Variants in EP400 observed in about 807,000 individuals in gnomAD.
EP400 encodes E1A binding protein p400.
Under a neutral mutation model 354.1 loss-of-function variants are expected in EP400, and 105 were observed. The ratio of observed to expected loss-of-function variants is 0.30; its 90% CI spans 0.25 to 0.35. EP400 has a LOEUF of 0.35. Among genes scored for constraint, EP400 ranks in the 10% least tolerant of loss-of-function variants. The pLI, the probability that EP400 is intolerant of heterozygous loss-of-function variation, is 1.00. For synonymous variants in EP400, 1,646 were observed against 1,716.9 expected (o/e 0.96, Z 1.02); for missense variants, 3,280 against 4,121.0 (o/e 0.80, Z 5.59).
chr12:131,988,960 G>C (rs965790378), intron 7 of EP400, among the ~76,000 whole-genome samples: 7 of 152,208 alleles, frequency 4.6e-5, no homozygotes, highest in Admixed American at 3.9e-4. Context: ...TGAGGGTCAA[G>C]GGTCTCAAGT....
intron 15 of EP400, among the ~76,000 whole-genome samples, chr12:132,008,732 C>CT (rs531347411): frequency 1.0e-3 from 153 of 151,410 alleles, no homozygotes; most frequent in African/African-American, 3.5e-3. Flanking sequence ...ATCCTCCTGC[C>CT]TCAGCCTCCC....
rs1027116406 is a variant in EP400 at position 132,044,884 on chromosome 12, A to C, written c.6715A>C (p.Ile2239Leu). Residue 2239 changes from isoleucine (I) to leucine (L), a missense_variant, in exon 37 of 53, where the codon ATC becomes CTC. By Grantham distance (5) the Ile-to-Leu change is conservative (BLOSUM62 2). Transcript: ENST00000389561. ...GTGTCTCATGTATGAAGCCACTCCC[A>C]TCCCAGAGGCTAAGCTGCCCCCTGT... The part of the protein sequence containing the change: ...VMCLMYEATP[I>L]PEAKLPPVYV... 6 of 1,614,028 alleles carry C rather than the reference A, an allele frequency of 3.7e-6. No individual in the cohort carries two copies. The highest frequency in any genetic ancestry group is 3.3e-5 in the Admixed American group (2 of 60,000).
rs916194201 is a variant in EP400 at position 132,029,797 on chromosome 12, G to T, written c.5478G>T (p.Arg1826Ser). The T allele has an allele frequency of 1.9e-6, 3 of 1,613,650 alleles. No individual in the cohort carries two copies. The East Asian group carries it at 6.7e-5, about 36-fold the overall frequency. Reference protein sequence around the residue: ...PLYSHRMRILRQGLREHAAPY... With the variant: ...PLYSHRMRILSQGLREHAAPY... ...ACAGCCACAGAATGAGGATCTTGAG[G>T]CAGGGCCTGAGAGAGCACGCTGCGC... Residue 1826 changes from arginine to serine, a missense_variant, in exon 28 of 53, where the codon AGG becomes AGT. Coordinates refer to ENST00000389561, the MANE Select transcript of EP400 (RefSeq NM_015409.5). The surrounding 1 kb of genome is among the most constrained non-coding windows in gnomAD (Gnocchi z 4.7).
chr12:132,031,524 G>A (rs925217623), intron 29 of EP400, among the ~76,000 whole-genome samples: 12 of 152,174 alleles, frequency 7.9e-5, no homozygotes, highest in African/African-American at 1.9e-4. Context: ...CATGAGCCTC[G>A]TGTTGAATGG....
chr12:131,953,637 C>T (rs974469596), intron 1 of EP400, among the ~76,000 whole-genome samples: 4 of 152,164 alleles, frequency 2.6e-5, no homozygotes, highest in Admixed American at 2.0e-4. Flanking sequence ...ATTTCAGGAA[C>T]TAGTATGGTA....
Position 132,067,453 on chromosome 12 carries a change from G to C in EP400, c.8841G>C (p.Gln2947His). ...AVQQQKAIQP[Q>H]AAQGPAAVQQ... ...AGCAGCAGAAGGCCATCCAGCCCCA[G>C]GCTGCACAGGGCCCGGCAGCCGTCC... is the stretch of plus-strand genomic sequence containing the variant. Residue 2947 changes from glutamine (Q) to histidine (H), a missense_variant, in exon 50 of 53, where the codon CAG becomes CAC. By Grantham distance (24) the Gln-to-His change is conservative (BLOSUM62 0). Around this residue, in one of 20 missense-constraint regions of EP400, gnomAD observed 279 missense variants for 386.7 expected, o/e 0.72. Transcript: ENST00000389561. The surrounding 1 kb of genome is among the most constrained non-coding windows in gnomAD (Gnocchi z 5.3). The C allele has an allele frequency of 1.2e-6, 2 of 1,613,370 alleles. No individual in the cohort carries two copies. Among genetic ancestry groups the C allele is most frequent in the Non-Finnish European group, 1.7e-6 (2 of 1,180,032 alleles).
intron 24 of EP400, among the ~76,000 whole-genome samples, chr12:132,024,882 C>G (rs1894250387): frequency 6.6e-6 from 1 of 151,692 alleles, no homozygotes; most frequent in South Asian, 2.1e-4. Flanking sequence ...ACTGCAGCCT[C>G]AGCGACTGCC....
rs113843264 is a variant in EP400 at position 132,020,082 on chromosome 12, C to T, written c.4311C>T (p.Pro1437=). Residue 1437 remains proline, a synonymous_variant, in exon 22 of 53, where the codon CCC becomes CCT. Transcript: ENST00000389561. ...AGCCTGTGCAGTATGGCCAGAAGCC[C>T]GAGGGTCGCACCGTGGCTTTCCCCA... ...LFQPVQYGQK[P]EGRTVAFPST... 54 of 1,592,274 alleles carry T rather than the reference C, an allele frequency of 3.4e-5. No homozygotes were observed. The highest frequency in any genetic ancestry group is 1.7e-4 in the Middle Eastern group (1 of 5,982).
rs968263510 is a variant in EP400 at position 132,050,281 on chromosome 12, A to C, written c.7201-42A>C. 1 of 1,611,142 alleles carries C rather than the reference A, an allele frequency of 6.2e-7. No individual in the cohort carries two copies. The highest frequency in any genetic ancestry group is 8.5e-7 in the Non-Finnish European group (1 of 1,177,968). On this transcript the variant is annotated intron_variant, in intron 39 of 52. Transcript: ENST00000389561. This position sits in a 1 kb window ranked among gnomAD's most constrained non-coding sequence, Gnocchi z 4.8. ...CTGTGTCCCACGCAGCCGTCTGTCC[A>C]TGCTGCCTAATTCAGATGCACTCTC...
rs775393410 is a variant in EP400 at position 131,990,615 on chromosome 12, C to T, written c.2551-21C>T. The T allele has an allele frequency of 2.1e-5, 32 of 1,554,024 alleles. No homozygotes were observed. The South Asian group carries it at 3.2e-4, about 15-fold the overall frequency. On this transcript the variant is annotated intron_variant, in intron 8 of 52. Coordinates refer to ENST00000389561, the MANE Select transcript of EP400 (RefSeq NM_015409.5). The surrounding 1 kb of genome is among the most constrained non-coding windows in gnomAD (Gnocchi z 4.2). Reference sequence around the variant, plus strand: ...TCCCATCCTTAGTAATGTGCTTATTCATTTAATCCTTTGCATTTAGGTTGT... The same window carrying T: ...TCCCATCCTTAGTAATGTGCTTATTTATTTAATCCTTTGCATTTAGGTTGT...
At chr12:131,997,620 AAAG>A (rs1430212507) in intron 12 of EP400, among the ~76,000 whole-genome samples, 1 of 152,214 alleles carries the variant, frequency 6.6e-6, no homozygotes, top group Non-Finnish European at 1.5e-5. Flanking sequence ...AAGCTGGAGA[AAAG>A]AAAATGTTGT....
At chr12:132,065,586 G>C (rs997857537) in intron 48 of EP400, 1 of 152,286 alleles carries the variant, frequency 6.6e-6, no homozygotes, top group Non-Finnish European at 1.5e-5. Context: ...AGAAACTGAG[G>C]CATGTAGGCT....
At chr12:132,021,950 C>G (rs531381619) in intron 23 of EP400, among the ~76,000 whole-genome samples, 72 of 152,236 alleles carry the variant, frequency 4.7e-4, no homozygotes, top group African/African-American at 1.5e-3. Flanking sequence ...GGAAATTATC[C>G]TGACTTAAAG....
intron 30 of EP400, among the ~76,000 whole-genome samples, chr12:132,036,856 T>G (rs1320731395): frequency 6.6e-6 from 1 of 152,248 alleles, no homozygotes; most frequent in Non-Finnish European, 1.5e-5. Flanking sequence ...ACTATTTCCC[T>G]TTATCACGTA....
In EP400 at chr12:132,062,572, G is replaced by GCAGCAGCAGCAGCAGCAGCAA. The variant is rs151326088; in HGVS notation, c.8220_8240dup (p.Gln2742_Gln2748dup). 1.1e-5 allele frequency: 17 copies of GCAGCAGCAGCAGCAGCAGCAA among 1,609,212 alleles called. No individual in the cohort carries two copies. In the African/African-American group the frequency reaches 2.0e-4, roughly 19 times the overall value. ...AACAGCAGCAGCAGCAGCAGCAGCA[G>GCAGCAGCAGCAGCAGCAGCAA]CAGCAGCAGCAGCAGCAGCAACAGC... On this transcript the variant is annotated inframe_insertion, in exon 47 of 53. Transcript: ENST00000389561.
In EP400 at chr12:132,053,227, C is replaced by G. The variant is rs374594848; in HGVS notation, c.7473+3C>G. 1.2e-6 allele frequency: 2 copies of G among 1,613,646 alleles called. No individual in the cohort carries two copies. The highest frequency in any genetic ancestry group is 1.1e-5 in the South Asian group (1 of 91,044). ...AGCGAATCGCAAAAGAGAAAAAGGT[C>G]AGCGCCCTGGGCCCTTCTGCTTGAG... On this transcript the variant is annotated splice_donor_region_variant and intron_variant, in intron 42 of 52. Transcript: ENST00000389561.
In EP400 at chr12:131,996,901, C is replaced by T. The variant is rs187462105; in HGVS notation, c.2827+1945C>T. Among the ~76,000 whole-genome samples the T allele has an allele frequency of 3.9e-5, 6 of 152,094 alleles. No individual in the cohort carries two copies. The East Asian group carries it at 1.2e-3, about 29-fold the overall frequency. ...AGTTCTGTGTTGCAGTGACATTTTC[C>T]CAGTTGGTGGTGTGTCTTTTCACTC... On this transcript the variant is annotated intron_variant, in intron 12 of 52. Coordinates refer to ENST00000389561, the MANE Select transcript of EP400 (RefSeq NM_015409.5).
rs1430901931 is a variant in EP400, at chr12:132,017,464, G to A, written c.3924-71G>A. 9.2e-6 allele frequency: 14 copies of A among 1,520,932 alleles called. No homozygotes were observed. Among genetic ancestry groups the A allele is most frequent in the African/African-American group, 1.4e-5 (1 of 72,158 alleles). The allele number at this position is 1,520,932 out of a possible 1,614,324, so 94.2% of individuals were successfully genotyped here. On this transcript the variant is annotated intron_variant, in intron 19 of 52. Transcript: ENST00000389561. This position sits in a 1 kb window ranked among gnomAD's most constrained non-coding sequence, Gnocchi z 5.0. ...CTGCCTTTCTGGAGTTGGGACAGTC[G>A]ATGGTGAGGGTGGGACTATGTCCAT... is the stretch of plus-strand genomic sequence containing the variant.
In EP400 at chr12:132,030,111, C is replaced by G; in HGVS notation, c.5707C>G (p.Leu1903Val). ...ILEMFLNFHY[L>V]TYVRIDENAS... ...AGAGATGTTCTTGAACTTCCATTACCTCACCTATGTAAGAATCGATGAAAA... is the reference window on the plus strand; with the variant it reads ...AGAGATGTTCTTGAACTTCCATTACGTCACCTATGTAAGAATCGATGAAAA... The change falls in exon 29 of 53, where the codon CTC (leucine) becomes GTC (valine). Residue 1903 changes from leucine to valine, a missense_variant. By Grantham distance (32) the Leu-to-Val change is conservative (BLOSUM62 1). Coordinates refer to ENST00000389561, the MANE Select transcript of EP400 (RefSeq NM_015409.5). 1.2e-6 allele frequency: 2 copies of G among 1,614,192 alleles called. No homozygotes were observed. Among genetic ancestry groups the G allele is most frequent in the Non-Finnish European group, 1.7e-6 (2 of 1,180,032 alleles).
Sources: allele counts gnomAD v4.1 joint callset (sites outside exome capture counted in the v4.1 genomes callset), GRCh38; gene constraint gnomAD v4.1.1; regional missense constraint gnomAD v4.1.1; non-coding constraint Gnocchi (gnomAD v3.1); transcripts MANE v1.5; gene names NCBI Gene and HGNC (gene_info 2026-07-23, HGNC 2026-07-21).